The following ZCWPW2 variants were observed in gnomAD, a reference collection of about 807,000 sequenced individuals.
ZCWPW2 encodes zinc finger CW-type PWWP domain protein 2.
ZCWPW2 carries 45 observed loss-of-function variants against 46.6 expected under a neutral mutation model. The observed-to-expected ratio is 0.96, with a 90% confidence interval of 0.76 to 1.24. The LOEUF (loss-of-function observed/expected upper bound fraction) is 1.24, where lower values mean the gene tolerates loss of function less well. ZCWPW2 is among the 50% of genes most tolerant of loss of function. ZCWPW2 has a pLI of 0.00. For missense variants in ZCWPW2, 429 were observed against 403.9 expected, an observed-to-expected ratio of 1.06 and a Z score of -0.53; for synonymous variants, 152 against 137.1, an observed-to-expected ratio of 1.11 and a Z score of -0.76.
At chr3:28,380,249 G>T (rs1460833719) in intron 1 of ZCWPW2, among the ~76,000 whole-genome samples, 1 of 152,108 alleles carries the variant, frequency 6.6e-6, no homozygotes, top group South Asian at 2.1e-4. Flanking sequence ...CTCCCAAAGT[G>T]CTGGGATTAC....
intron 1 of ZCWPW2, among the ~76,000 whole-genome samples, chr3:28,363,021 G>A (rs1575048479): frequency 6.8e-6 from 1 of 146,734 alleles, no homozygotes; most frequent in South Asian, 2.3e-4. Flanking sequence ...GAGACCACAT[G>A]GACAGAAAGG....
At chr3:28,376,179 T>G (rs1306771195) in intron 1 of ZCWPW2, among the ~76,000 whole-genome samples, 1 of 152,078 alleles carries the variant, frequency 6.6e-6, no homozygotes, top group Non-Finnish European at 1.5e-5. Flanking sequence ...TTGCTGGTAC[T>G]TGATATTTTT....
chr3:28,369,739 T>C (rs1705244946), intron 1 of ZCWPW2, among the ~76,000 whole-genome samples: 1 of 152,232 alleles, frequency 6.6e-6, no homozygotes, highest in Non-Finnish European at 1.5e-5. Context: ...TGTTTCGCTA[T>C]GCCCTGCCCG....
At chr3:28,372,019 C>T (rs755411270) in intron 1 of ZCWPW2, among the ~76,000 whole-genome samples, 5 of 151,424 alleles carry the variant, frequency 3.3e-5, no homozygotes, top group Non-Finnish European at 5.9e-5. Flanking sequence ...TCTTTCTCCT[C>T]CTGCCCCTCC....
chr3:28,377,885 T>C (rs1212451357), intron 1 of ZCWPW2, among the ~76,000 whole-genome samples: 2 of 152,052 alleles, frequency 1.3e-5, no homozygotes, highest in African/African-American at 4.8e-5. Flanking sequence ...TTATCAAATT[T>C]CCAATTATTT....
intron 4 of ZCWPW2, among the ~76,000 whole-genome samples, chr3:28,471,704 G>C (rs1210664960): frequency 6.6e-6 from 1 of 151,958 alleles, no homozygotes; most frequent in East Asian, 1.9e-4. Context: ...GATGCCCATT[G>C]TTATTCAACA....
intron 1 of ZCWPW2, among the ~76,000 whole-genome samples, chr3:28,378,629 C>G (rs1705576441): frequency 6.6e-6 from 1 of 152,058 alleles, no homozygotes; most frequent in Non-Finnish European, 1.5e-5. Context: ...AATTTAAGCC[C>G]AGACCTAGGG....
intron 3 of ZCWPW2, among the ~76,000 whole-genome samples, chr3:28,423,338 G>A (rs1696872099): frequency 6.8e-6 from 1 of 147,850 alleles, no homozygotes; most frequent in Non-Finnish European, 1.5e-5. Context: ...TTTGCTCCCA[G>A]CAGTTTCTCA....
At chr3:28,506,094 T>C (rs1163586721) in intron 6 of ZCWPW2, among the ~76,000 whole-genome samples, 2 of 147,176 alleles carry the variant, frequency 1.4e-5, no homozygotes, top group Non-Finnish European at 3.0e-5. Context: ...ATTATATATA[T>C]AATATATAAT....
intron 1 of ZCWPW2, among the ~76,000 whole-genome samples, chr3:28,386,013 C>G (rs960078657): frequency 2.0e-5 from 3 of 150,426 alleles, no homozygotes; most frequent in Admixed American, 1.3e-4. Flanking sequence ...ATTTCTCATA[C>G]AATTTATTTG....
chr3:28,472,215 A>T (rs1200849193), intron 4 of ZCWPW2, among the ~76,000 whole-genome samples: 1 of 152,112 alleles, frequency 6.6e-6, no homozygotes, highest in African/African-American at 2.4e-5. Context: ...ACAGAAATAG[A>T]AAAAAAGAGT....
intron 1 of ZCWPW2, among the ~76,000 whole-genome samples, chr3:28,374,476 T>A (rs1306787566): frequency 1.3e-5 from 2 of 152,190 alleles, no homozygotes; most frequent in African/African-American, 4.8e-5. Context: ...TGGTTCCATA[T>A]AAATGTTAGG....
intron 4 of ZCWPW2, among the ~76,000 whole-genome samples, chr3:28,444,852 G>A (rs971773165): frequency 7.9e-5 from 12 of 152,096 alleles, no homozygotes; most frequent in African/African-American, 9.7e-5. Context: ...ATGGTCAAAC[G>A]TATTATGTAT....
intron 5 of ZCWPW2, among the ~76,000 whole-genome samples, chr3:28,482,238 G>A (rs182386576): frequency 2.1e-3 from 321 of 152,250 alleles, no homozygotes; most frequent in African/African-American, 6.9e-3. Flanking sequence ...CATATGGTTA[G>A]AATCATATGA....
chr3:28,375,977 T>C (rs113416712), intron 1 of ZCWPW2, among the ~76,000 whole-genome samples: 1 of 534 alleles, frequency 1.9e-3, no homozygotes, highest in Non-Finnish European at 7.5e-3. Context: ...GATCTCATTC[T>C]TTTTTTTATG....
chr3:28,422,684 T>C (rs151038530), intron 3 of ZCWPW2, among the ~76,000 whole-genome samples: 292 of 152,342 alleles, frequency 1.9e-3, no homozygotes, highest in African/African-American at 6.6e-3. Context: ...TACACATCCA[T>C]GTGCAACCTT....
chr3:28,373,129 A>G (rs1439778852), intron 1 of ZCWPW2, among the ~76,000 whole-genome samples: 1 of 152,190 alleles, frequency 6.6e-6, no homozygotes, highest in African/African-American at 2.4e-5. Context: ...AGGAGAGTGA[A>G]GCTATCTCTT....
chr3:28,476,999 A>T (rs989394635), intron 4 of ZCWPW2, among the ~76,000 whole-genome samples: 11 of 152,176 alleles, frequency 7.2e-5, no homozygotes, highest in African/African-American at 2.7e-4. Context: ...CTAACCGGTC[A>T]TGGACTAGTA....
At chr3:28,352,547 T>G (rs189507221) in intron 1 of ZCWPW2, among the ~76,000 whole-genome samples, 7 of 152,336 alleles carry the variant, frequency 4.6e-5, no homozygotes, top group Non-Finnish European at 1.0e-4. Flanking sequence ...AGTAGTTAAC[T>G]CTTTGGCAAA....
Sources: gnomAD v4.1 joint callset for allele counts (sites outside exome capture counted in the v4.1 genomes callset) on GRCh38, gnomAD v4.1.1 for gene constraint, MANE v1.5 for transcripts, NCBI Gene and HGNC (gene_info 2026-07-23, HGNC 2026-07-21) for gene names.